Variants in SYNE1 observed in about 807,000 individuals in gnomAD.
The protein encoded by SYNE1 is nesprin-1.
SYNE1 carries 616 observed loss-of-function variants against 1,111.0 expected under a neutral mutation model. The ratio of observed to expected loss-of-function variants is 0.55; its 90% confidence interval spans 0.52 to 0.59. The LOEUF (loss-of-function observed/expected upper bound fraction) is 0.59. Ranked by LOEUF, SYNE1 falls within the 20% of genes least tolerant of loss-of-function variation. The probability of loss-of-function intolerance (pLI) is 0.00; values close to 1 mark genes in which losing one functional copy is unlikely to be tolerated. For synonymous variants in SYNE1, 3,855 were observed against 3,825.8 expected (o/e 1.01, Z -0.28); for missense variants, 10,006 against 10,417.0 (o/e 0.96, Z 1.72).
At chr6:152,421,786 A>G (rs1268250230) in intron 39 of SYNE1, among the ~76,000 whole-genome samples, 1 of 151,490 alleles carries the variant, frequency 6.6e-6, no homozygotes, top group East Asian at 2.0e-4. Context: ...GCTCACTGCA[A>G]TCTCTGCCTC....
intron 104 of SYNE1, among the ~76,000 whole-genome samples, chr6:152,249,656 A>C (rs1327984404): frequency 6.6e-6 from 1 of 152,188 alleles, no homozygotes; most frequent in Non-Finnish European, 1.5e-5. Context: ...TATGATACTT[A>C]AGAATCATAT....
chr6:152,157,981 A>G (rs930289144), intron 131 of SYNE1, among the ~76,000 whole-genome samples: 4 of 151,960 alleles, frequency 2.6e-5, no homozygotes, highest in African/African-American at 9.7e-5. Context: ...CTGGTCTGGA[A>G]CTCCTGACCA....
At chr6:152,400,192 G>C (rs779220198) in intron 47 of SYNE1, among the ~76,000 whole-genome samples, 7 of 151,424 alleles carry the variant, frequency 4.6e-5, no homozygotes, top group Non-Finnish European at 8.8e-5. Flanking sequence ...TCAGAGTCAC[G>C]TGCTCACCAA....
chr6:152,486,571 T>C (rs1053376834), intron 12 of SYNE1, among the ~76,000 whole-genome samples: 4 of 152,206 alleles, frequency 2.6e-5, no homozygotes, highest in South Asian at 2.1e-4. Flanking sequence ...CTAAACCTCA[T>C]CAGTGGACTA....
At chr6:152,414,737 A>T (rs1452340872) in intron 41 of SYNE1, among the ~76,000 whole-genome samples, 1 of 151,772 alleles carries the variant, frequency 6.6e-6, no homozygotes. Context: ...TGGGTTTTCT[A>T]CTCTGGCAAT....
chr6:152,362,253 C>G lies in SYNE1; in HGVS notation c.10216G>C (p.Asp3406His), dbSNP rs1217333487. The change falls in exon 64 of 146, where the codon GAT (aspartate) becomes CAT (histidine). Residue 3406 changes from aspartate to histidine, a missense_variant. By Grantham distance (81) the Asp-to-His change is moderately conservative. This residue lies in a region of SYNE1 where 4,955 missense variants were observed against 5,017.2 expected (regional missense o/e 0.99). Transcript: ENST00000367255. Reference protein sequence around the residue: ...DGVRQFSGWMDSMEANLNESE... With the variant: ...DGVRQFSGWMHSMEANLNESE... ...TCATTCAGGTTGGCTTCCATACTAT[C>G]CATCCAACCGGAGAACTGTCGAACG... is the stretch of plus-strand genomic sequence containing the variant. The G allele has an allele frequency of 6.2e-7, 1 of 1,614,086 alleles. No individual in the cohort carries two copies. The highest frequency in any genetic ancestry group is 8.5e-7 in the Non-Finnish European group (1 of 1,180,048).
chr6:152,369,982 C>CAAAAAAAAAA (rs778013525), intron 59 of SYNE1, among the ~76,000 whole-genome samples: 7 of 49,986 alleles, frequency 1.4e-4, no homozygotes, highest in African/African-American at 5.8e-4. Context: ...GACTCTGTCT[C>CAAAAAAAAAA]AAAAAAAAAA....
intron 7 of SYNE1, among the ~76,000 whole-genome samples, 182 bp downstream of exon 7, chr6:152,510,829 A>G (rs570308536): frequency 6.6e-6 from 1 of 152,350 alleles, no homozygotes; most frequent in South Asian, 2.1e-4. Context: ...CACATGCAAC[A>G]GCTTTGCAAG....
At chr6:152,618,302 T>C (rs955167395) in intron 3 of SYNE1, among the ~76,000 whole-genome samples, 1 of 152,190 alleles carries the variant, frequency 6.6e-6, no homozygotes, top group Non-Finnish European at 1.5e-5. Flanking sequence ...GGAATCAGTG[T>C]AATTCTTGGC....
In SYNE1 at chr6:152,331,105, T is replaced by A; in HGVS notation, c.13580A>T (p.Gln4527Leu). 6.2e-7 allele frequency: 1 copy of A among 1,614,216 alleles called. No individual in the cohort carries two copies. Among genetic ancestry groups the A allele is most frequent in the South Asian group, 1.1e-5 (1 of 91,086 alleles). Residue 4527 changes from glutamine to leucine, a missense_variant, in exon 78 of 146, where the codon CAG becomes CTG. Transcript: ENST00000367255. ...GRELMKEVTE[Q>L]EKSEVLGKLQ... is the part of the protein sequence containing the mutation. ...CTTCCCCAGCACTTCACTCTTTTCC[T>A]GCTCTGTGACTTCCTTCATTAGTTC...
At chr6:152,323,991 CT>C (rs1488802150) in intron 81 of SYNE1, among the ~76,000 whole-genome samples, 3 of 151,854 alleles carry the variant, frequency 2.0e-5, no homozygotes, top group Admixed American at 1.3e-4. Flanking sequence ...ACAGAAAAAG[CT>C]TTAAAAAAAA....
At chr6:152,177,931 A>G (rs1289957970) in intron 129 of SYNE1, among the ~76,000 whole-genome samples, 3 of 151,996 alleles carry the variant, frequency 2.0e-5, no homozygotes, top group Non-Finnish European at 4.4e-5. Context: ...TCATCTTATT[A>G]GCACTTCCCA....
chr6:152,154,948 G>A lies in SYNE1; in HGVS notation c.24073C>T (p.Pro8025Ser). The A allele has an allele frequency of 6.2e-7, 1 of 1,614,160 alleles. No homozygotes were observed. The highest frequency in any genetic ancestry group is 8.5e-7 in the Non-Finnish European group (1 of 1,180,014). ...GTATAGATCACCCCAGAAGAGCTGG[G>A]AAAAGCAGCTGTCCTTTCTGAAGAC... is the stretch of plus-strand genomic sequence containing the variant. ...LKSSERTAAF[P>S]SSSGVIYTVA... Residue 8025 changes from proline (P) to serine (S), a missense_variant, in exon 133 of 146, where the codon CCC becomes TCC. Around this residue, in one of 7 missense-constraint regions of SYNE1, gnomAD observed 2,182 missense variants for 2,287.8 expected, o/e 0.95. Coordinates refer to ENST00000367255, the MANE Select transcript of SYNE1 (RefSeq NM_182961.4).
At chr6:152,271,920 C>T (rs979972819) in intron 98 of SYNE1, among the ~76,000 whole-genome samples, 5 of 152,186 alleles carry the variant, frequency 3.3e-5, no homozygotes, top group African/African-American at 1.2e-4. Flanking sequence ...GGCCTGAAGA[C>T]TCCCTTGGAA....
intron 128 of SYNE1, among the ~76,000 whole-genome samples, chr6:152,186,555 TCA>T (rs2070037110): frequency 4.6e-5 from 2 of 43,324 alleles, no homozygotes; most frequent in Non-Finnish European, 3.9e-5. Context: ...CAGCTCTGTG[TCA>T]AAAAAAAAAA....
intron 107 of SYNE1, among the ~76,000 whole-genome samples, chr6:152,241,132 T>C (rs1341856054): frequency 6.6e-6 from 1 of 152,236 alleles, no homozygotes. Context: ...CCCTGTTATT[T>C]ATACTCATTG....
chr6:152,151,777 C>A, intron 134 of SYNE1, 87 bp from the exon 135 acceptor site: 1 of 1,548,990 alleles, frequency 6.5e-7, no homozygotes, highest in South Asian at 1.2e-5. Context: ...TTCCAGTGTT[C>A]TGTAAAGTCA....
At chr6:152,495,792 C>A (rs1252247326) in intron 11 of SYNE1, among the ~76,000 whole-genome samples, 1 of 152,222 alleles carries the variant, frequency 6.6e-6, no homozygotes, top group Non-Finnish European at 1.5e-5. Context: ...GCAGCAGGGG[C>A]CACGTGCATC....
At chr6:152,213,508 C>G in intron 123 of SYNE1, 104 bp downstream of exon 123, 1 of 1,302,432 alleles carries the variant, frequency 7.7e-7, no homozygotes, top group Non-Finnish European at 1.1e-6. Context: ...CATTTAGACA[C>G]TCGTGCAAAG....
Sources: allele counts gnomAD v4.1 joint callset (sites outside exome capture counted in the v4.1 genomes callset), GRCh38; gene constraint gnomAD v4.1.1; regional missense constraint gnomAD v4.1.1; transcripts MANE v1.5; gene names NCBI Gene and HGNC (gene_info 2026-07-23, HGNC 2026-07-21).